Variants in MAP4K3 observed in about 807,000 individuals in gnomAD.
MAP4K3 encodes MAPK/ERK kinase kinase kinase 3.
In MAP4K3, 94 loss-of-function variants were observed where a neutral mutation model predicts 143.5. The ratio of observed to expected loss-of-function variants is 0.65; its 90% CI spans 0.55 to 0.78. The LOEUF is 0.78. Ranked by LOEUF, MAP4K3 falls within the 30% of genes least tolerant of loss-of-function variation. MAP4K3 has a pLI of 0.00. For synonymous variants in MAP4K3, 416 were observed against 347.2 expected (o/e 1.20, Z -2.20); for missense variants, 1,077 against 1,068.1 (o/e 1.01, Z -0.12).
chr2:39,331,501 A>G (rs1683679792), intron 8 of MAP4K3, among the ~76,000 whole-genome samples: 1 of 152,168 alleles, frequency 6.6e-6, no homozygotes, highest in African/African-American at 2.4e-5. Context: ...CCTATAGGCA[A>G]CCAAGACATG....
intron 1 of MAP4K3, among the ~76,000 whole-genome samples, chr2:39,403,944 A>G (rs1424418235): frequency 6.6e-6 from 1 of 151,336 alleles, no homozygotes; most frequent in Non-Finnish European, 1.5e-5. Flanking sequence ...TCCAGGCCCT[A>G]GCTCCCAGAT....
At chr2:39,333,961 T>TCGTGTG in intron 6 of MAP4K3, among the ~76,000 whole-genome samples, 1 of 144,046 alleles carries the variant, frequency 6.9e-6, no homozygotes, top group South Asian at 2.3e-4. Context: ...TTTCCCATTT[T>TCGTGTG]TGTGTGTGTG....
intron 15 of MAP4K3, among the ~76,000 whole-genome samples, chr2:39,300,137 C>A (rs773004635): frequency 6.6e-6 from 1 of 152,036 alleles, no homozygotes; most frequent in African/African-American, 2.4e-5. Flanking sequence ...GAAGCAAAAA[C>A]GTTCAGAGAA....
At chr2:39,281,250 G>A (rs1463822884) in intron 22 of MAP4K3, among the ~76,000 whole-genome samples, 1 of 152,088 alleles carries the variant, frequency 6.6e-6, no homozygotes, top group Non-Finnish European at 1.5e-5. Context: ...AAACACGGAG[G>A]TAACATACTG....
chr2:39,258,665 C>T (rs1052270174), intron 29 of MAP4K3, 78 bp from the exon 30 acceptor site: 2 of 1,001,752 alleles, frequency 2.0e-6, no homozygotes, highest in African/African-American at 3.2e-5. Context: ...AAAAAGAATT[C>T]TGAGGATAAC....
At chr2:39,368,802 C>T (rs2148568514) in intron 2 of MAP4K3, among the ~76,000 whole-genome samples, 1 of 152,230 alleles carries the variant, frequency 6.6e-6, no homozygotes, top group South Asian at 2.1e-4. Flanking sequence ...TTTTTAGCAG[C>T]TCCTGATCTG....
chr2:39,424,274 C>T (rs977004961), intron 1 of MAP4K3, among the ~76,000 whole-genome samples: 1 of 152,054 alleles, frequency 6.6e-6, no homozygotes, highest in African/African-American at 2.4e-5. Flanking sequence ...ATGTATCACA[C>T]TGAATTAAGA....
intron 3 of MAP4K3, among the ~76,000 whole-genome samples, chr2:39,343,659 T>C (rs3732052): frequency 0.034 from 5,119 of 152,246 alleles, 126 homozygotes; most frequent in South Asian, 0.053. Context: ...AAACTTATAA[T>C]ACACCATTTG....
chr2:39,263,808 G>C (rs1161901520), intron 28 of MAP4K3, among the ~76,000 whole-genome samples: 2 of 152,166 alleles, frequency 1.3e-5, no homozygotes, highest in Non-Finnish European at 2.9e-5. Flanking sequence ...CCGGAAAAGA[G>C]AAGCCATGGA....
chr2:39,413,632 A>G (rs1667290462), intron 1 of MAP4K3, among the ~76,000 whole-genome samples: 1 of 152,120 alleles, frequency 6.6e-6, no homozygotes, highest in Non-Finnish European at 1.5e-5. Context: ...AATACGGACT[A>G]AATAGAAAGT....
At chr2:39,323,929 A>G (rs1338207313) in intron 12 of MAP4K3, 4 of 152,232 alleles carry the variant, frequency 2.6e-5, no homozygotes, top group East Asian at 3.8e-4. Flanking sequence ...AAAAAATTTT[A>G]AAAGTCATGA....
At chr2:39,431,332 AG>A (rs1429321003) in intron 1 of MAP4K3, among the ~76,000 whole-genome samples, 1 of 152,324 alleles carries the variant, frequency 6.6e-6, no homozygotes, top group East Asian at 1.9e-4. Flanking sequence ...TAAATGCCTA[AG>A]GAAGTCTCAG....
chr2:39,384,376 T>C (rs921886250), intron 1 of MAP4K3, among the ~76,000 whole-genome samples: 1 of 152,126 alleles, frequency 6.6e-6, no homozygotes, highest in African/African-American at 2.4e-5. Flanking sequence ...TGAAACACCA[T>C]CTCTACTAAA....
chr2:39,339,962 GT>G (rs1160702252), intron 4 of MAP4K3, among the ~76,000 whole-genome samples: 2 of 151,994 alleles, frequency 1.3e-5, no homozygotes, highest in Admixed American at 1.3e-4. Flanking sequence ...GATATAACGG[GT>G]TGTGGAAAGT....
rs190929779 is a variant in MAP4K3, at chr2:39,405,068, A to G, written c.97-26945T>C. ...CTGATTACAGATACCTAGGGTCTTG[A>G]GCAAACATAGGCAGTAACCAGGTAG... On this transcript the variant is annotated intron_variant, in intron 1 of 33. Coordinates refer to ENST00000263881, the MANE Select transcript of MAP4K3 (RefSeq NM_003618.4). Among the ~76,000 whole-genome samples the G allele has an allele frequency of 2.0e-5, 3 of 152,298 alleles. No homozygotes were observed. The East Asian group carries it at 5.8e-4, about 29-fold the overall frequency.
Position 39,254,496 on chromosome 2 carries a change from G to C in MAP4K3, c.2495C>G (p.Ala832Gly), listed in dbSNP as rs756639419. The change falls in exon 32 of 34, where the codon GCT becomes GGT. Residue 832 changes from alanine to glycine, a missense_variant. Coordinates refer to ENST00000263881, the MANE Select transcript of MAP4K3 (RefSeq NM_003618.4). The part of the protein sequence containing the change: ...SIVCLQDSVL[A>G]FWKHGMQGRS... ...ACCTTGCATTCCATGTTTCCAGAAA[G>C]CTAGCACACTGTCTTGTAGGCACAC... 6.2e-7 allele frequency: 1 copy of C among 1,613,770 alleles called. No homozygotes were observed. The highest frequency in any genetic ancestry group is 8.5e-7 in the Non-Finnish European group (1 of 1,179,854).
chr2:39,405,225 G>C lies in MAP4K3; in HGVS notation c.97-27102C>G, dbSNP rs77323960. Among the ~76,000 whole-genome samples the C allele has an allele frequency of 2.6e-3, 398 of 152,304 alleles. 5 individuals are homozygous for C. In the East Asian group the frequency reaches 0.054, roughly 21 times the overall value. ...CCAGCTCCAGGCAGCTCAGAACAGAGAGAGAAATGATGTTTCTTTAGGAAA... is the reference window on the plus strand; with the variant it reads ...CCAGCTCCAGGCAGCTCAGAACAGACAGAGAAATGATGTTTCTTTAGGAAA... On this transcript the variant is annotated intron_variant, in intron 1 of 33. Transcript: ENST00000263881.
At chr2:39,325,848 T>C (rs2148515766) in intron 10 of MAP4K3, 37 bp from the exon 11 acceptor site, 4 of 1,564,350 alleles carry the variant, frequency 2.6e-6, no homozygotes, top group Non-Finnish European at 3.5e-6. Context: ...TACATTCCAA[T>C]TCATTTTTTG....
intron 1 of MAP4K3, among the ~76,000 whole-genome samples, chr2:39,413,626 C>T (rs115859480): frequency 1.3e-5 from 2 of 151,918 alleles, no homozygotes; most frequent in South Asian, 2.1e-4. Flanking sequence ...TCCAGGAATA[C>T]GGACTAAATA....
Sources: gnomAD v4.1 joint callset for allele counts (sites outside exome capture counted in the v4.1 genomes callset) on GRCh38, gnomAD v4.1.1 for gene constraint, MANE v1.5 for transcripts, NCBI Gene and HGNC (gene_info 2026-07-23, HGNC 2026-07-21) for gene names.